EYS: variants seen among roughly 807,000 people sequenced by gnomAD.
EYS encodes the protein protein eyes shut homolog.
Under a neutral mutation model 282.1 loss-of-function variants are expected in EYS, and 250 were observed. That is an observed-to-expected ratio of 0.89 (90% CI 0.80 to 0.98). The LOEUF (loss-of-function observed/expected upper bound fraction) is 0.98, where lower values mean the gene tolerates loss of function less well. Ranked by LOEUF, EYS falls within the 50% of genes least tolerant of loss-of-function variation. The pLI is 0.00. For missense variants in EYS, 4,016 were observed against 3,709.0 expected, an observed-to-expected ratio of 1.08 and a Z score of -2.15; for synonymous variants, 1,355 against 1,282.9, an observed-to-expected ratio of 1.06 and a Z score of -1.20.
intron 30 of EYS, among the ~76,000 whole-genome samples, chr6:64,250,369 A>C (rs922136234): frequency 6.6e-6 from 1 of 152,210 alleles, no homozygotes; most frequent in Non-Finnish European, 1.5e-5. Flanking sequence ...ACCTGGGGGC[A>C]GCTAGCAGAA....
chr6:64,851,137 G>C (rs1281050633), intron 19 of EYS, among the ~76,000 whole-genome samples: 2 of 152,032 alleles, frequency 1.3e-5, no homozygotes, highest in East Asian at 3.9e-4. Context: ...GACTGCACAT[G>C]GATGAAATGG....
At chr6:65,159,199 A>G (rs1480825986) in intron 12 of EYS, among the ~76,000 whole-genome samples, 2 of 150,840 alleles carry the variant, frequency 1.3e-5, no homozygotes, top group African/African-American at 4.8e-5. Flanking sequence ...ATCTGGGCAC[A>G]ATGCATTAAT....
chr6:64,882,972 G>C (rs1424612187), intron 19 of EYS, among the ~76,000 whole-genome samples: 1 of 151,468 alleles, frequency 6.6e-6, no homozygotes, highest in Admixed American at 6.6e-5. Flanking sequence ...TCTAAGAAAA[G>C]ATTCCTATAG....
At chr6:65,285,497 G>A (rs1208949426) in intron 12 of EYS, among the ~76,000 whole-genome samples, 1 of 151,884 alleles carries the variant, frequency 6.6e-6, no homozygotes, top group Non-Finnish European at 1.5e-5. Context: ...TTTGAAAATT[G>A]TATAGATTAG....
At position 63,849,600 on chromosome 6, in the gene EYS, A is replaced by T. The variant is rs147801238; in HGVS notation, c.7228+14586T>A. ...AAGAGGGGCCTGACTGTTAGAAGGA[A>T]AACTAACAAACAGAAAGCAAGAACA... On this transcript the variant is annotated intron_variant, in intron 36 of 42. Coordinates refer to ENST00000503581, the MANE Select transcript of EYS (RefSeq NM_001142800.2). 2.2e-4 allele frequency among the ~76,000 whole-genome samples: 33 copies of T among 152,344 alleles called. No homozygotes were observed. In the East Asian group the frequency reaches 6.2e-3, roughly 28 times the overall value.
At position 65,439,090 on chromosome 6, in the gene EYS, T is replaced by A. The variant is rs895272125; in HGVS notation, c.863-33723A>T. On this transcript the variant is annotated intron_variant, in intron 5 of 42. Coordinates refer to ENST00000503581, the MANE Select transcript of EYS (RefSeq NM_001142800.2). ...CCACATATGGCTAGCCAGTTTTCCC[T>A]GCACCATTTATTAAATAGGGAATCA... Among the ~76,000 whole-genome samples, 7 of 152,212 alleles carry A rather than the reference T, an allele frequency of 4.6e-5. 1 individual carries two copies. The highest frequency in any genetic ancestry group is 3.9e-4 in the Admixed American group (6 of 15,278).
Position 65,495,838 on chromosome 6 carries a change from ATAAT to A in EYS, c.-198+17_-198+20del. On this transcript the variant is annotated intron_variant, in intron 3 of 42. Transcript: ENST00000503581. ...TTCTGAAAAGTTCTGGTTTCATGAC[ATAAT>A]TAAGCCAGCAACTTACTGCGGTCTT... 5.4e-6 allele frequency: 1 copy of A among 183,710 alleles called. No homozygotes were observed. Among genetic ancestry groups the A allele is most frequent in the Non-Finnish European group, 1.1e-5 (1 of 87,098 alleles). The allele number at this position is 183,710 out of a possible 1,614,324, so 11.4% of individuals were successfully genotyped here.
intron 28 of EYS, among the ~76,000 whole-genome samples, chr6:64,414,769 A>T (rs1774011974): frequency 6.6e-6 from 1 of 152,160 alleles, no homozygotes; most frequent in Non-Finnish European, 1.5e-5. Flanking sequence ...CAAACAATGG[A>T]CCTAATTTTG....
In EYS at chr6:63,721,343, A is replaced by C; in HGVS notation, c.8688T>G (p.Thr2896=). The C allele has an allele frequency of 6.4e-7, 1 of 1,551,956 alleles. No homozygotes were observed. The highest frequency in any genetic ancestry group is 1.4e-5 in the African/African-American group (1 of 73,154). ...NGGECTVNGT[T]FSCRCLPDWA... is the part of the protein sequence containing the mutation. ...AATCTGGCAAACATCTGCAAGAAAAAGTTGTGCCATTTACTGTACATTCAC... is the reference window on the plus strand; with the variant it reads ...AATCTGGCAAACATCTGCAAGAAAACGTTGTGCCATTTACTGTACATTCAC... The change falls in exon 43 of 43, where the codon ACT becomes ACG. Residue 2896 remains threonine, a synonymous_variant. Transcript: ENST00000503581.
chr6:64,127,273 A>T (rs987411369), intron 31 of EYS, among the ~76,000 whole-genome samples: 1 of 152,188 alleles, frequency 6.6e-6, no homozygotes, highest in Non-Finnish European at 1.5e-5. Context: ...TTACTTGAAC[A>T]GTATTGTATG....
chr6:65,422,090 T>C (rs1238981528), intron 5 of EYS, among the ~76,000 whole-genome samples: 2 of 152,042 alleles, frequency 1.3e-5, no homozygotes, highest in East Asian at 1.9e-4. Flanking sequence ...TTTGTAGAAA[T>C]TGAAGTATCT....
At chr6:65,034,990 A>G (rs72877839) in intron 13 of EYS, among the ~76,000 whole-genome samples, 1 of 152,298 alleles carries the variant, frequency 6.6e-6, no homozygotes, top group Non-Finnish European at 1.5e-5. Flanking sequence ...CCAATTTAGT[A>G]CCACATCAAA....
chr6:64,554,499 A>G (rs1033976918), intron 26 of EYS, among the ~76,000 whole-genome samples: 11 of 152,072 alleles, frequency 7.2e-5, no homozygotes, highest in Non-Finnish European at 1.6e-4. Context: ...CCAACCCTAA[A>G]AAACAAAAGA....
intron 24 of EYS, among the ~76,000 whole-genome samples, chr6:64,600,905 C>A (rs1210677234): frequency 6.6e-6 from 1 of 152,060 alleles, no homozygotes; most frequent in Non-Finnish European, 1.5e-5. Flanking sequence ...TTTCCTCAAG[C>A]CATTCTAATG....
chr6:64,915,138 C>T (rs969026301), intron 15 of EYS, among the ~76,000 whole-genome samples: 10 of 151,852 alleles, frequency 6.6e-5, no homozygotes, highest in Admixed American at 3.3e-4. Context: ...CTCCTATATC[C>T]CATTACTGAA....
At chr6:65,687,946 T>C (rs1769091325) in intron 1 of EYS, among the ~76,000 whole-genome samples, 1 of 152,136 alleles carries the variant, frequency 6.6e-6, no homozygotes, top group Non-Finnish European at 1.5e-5. Context: ...TACAAACAAA[T>C]GGAAGAACAT....
intron 8 of EYS, among the ~76,000 whole-genome samples, chr6:65,377,847 T>C (rs1582210256): frequency 6.6e-6 from 1 of 152,128 alleles, no homozygotes; most frequent in East Asian, 1.9e-4. Context: ...AATCCGTAAC[T>C]AAACCACGAA....
chr6:63,734,630 T>C (rs1190625106), intron 41 of EYS, among the ~76,000 whole-genome samples: 2 of 152,056 alleles, frequency 1.3e-5, no homozygotes, highest in Non-Finnish European at 2.9e-5. Flanking sequence ...CACATGTGGG[T>C]AAGAAAGAAG....
At chr6:65,405,133 A>C (rs1344975814) in intron 6 of EYS, 41 bp downstream of exon 6, 1 of 1,484,578 alleles carries the variant, frequency 6.7e-7, no homozygotes, top group African/African-American at 1.4e-5. Context: ...ATAGTAAAAA[A>C]AATTTAAAAC....
Sources: gnomAD v4.1 joint callset for allele counts (sites outside exome capture counted in the v4.1 genomes callset) on GRCh38, gnomAD v4.1.1 for gene constraint, MANE v1.5 for transcripts, NCBI Gene and HGNC (gene_info 2026-07-23, HGNC 2026-07-21) for gene names.